The following ZFAND6 variants were observed in gnomAD, a reference collection of about 807,000 sequenced individuals.
The protein encoded by ZFAND6 is zinc finger AN1-type containing 6, also known as AN1-type zinc finger protein 6.
ZFAND6 carries 12 observed loss-of-function variants against 24.5 expected under a neutral mutation model. That is an observed-to-expected ratio of 0.49 (90% CI 0.31 to 0.79). ZFAND6 has a LOEUF of 0.79. Among genes scored for constraint, ZFAND6 ranks in the 30% least tolerant of loss-of-function variants. The probability of loss-of-function intolerance (pLI) is 0.04; values close to 1 mark genes in which losing one functional copy is unlikely to be tolerated. For synonymous variants in ZFAND6, 92 were observed against 81.5 expected (o/e 1.13, Z -0.69); for missense variants, 207 against 245.9 (o/e 0.84, Z 1.06).
rs943801012 is a variant in ZFAND6 at position 80,098,532 on chromosome 15, T to C, written c.-64T>C. The C allele has an allele frequency of 6.6e-6, 1 of 152,238 alleles. No individual in the cohort carries two copies. The highest frequency in any genetic ancestry group is 2.4e-5 in the African/African-American group (1 of 41,466). 9.4% of individuals were successfully genotyped at this position (152,238 alleles called of 1,614,324 possible). A position where few individuals can be genotyped will look rare whatever the true frequency, so the allele number is the denominator to read the frequency against. On this transcript the variant is annotated 5_prime_UTR_variant, in exon 2 of 7. Coordinates refer to ENST00000261749, the MANE Select transcript of ZFAND6 (RefSeq NM_019006.4). ...GAATAGGGAAGGCAGAAAGCTAATGTCTGTCTCAAGATACAGGACAGCTGT... is the reference window on the plus strand; with the variant it reads ...GAATAGGGAAGGCAGAAAGCTAATGCCTGTCTCAAGATACAGGACAGCTGT...
chr15:80,099,634 T>TTTTTTTTTC lies in ZFAND6; in HGVS notation c.-18+1056_-18+1057insTTTTTTTTC, dbSNP rs1555431664. On this transcript the variant is annotated intron_variant, in intron 2 of 6. Transcript: ENST00000261749. ...ATGGATATCCTTTTTTTTTTTTTTT[T>TTTTTTTTTC]CGAGACGGAGTCTCACTCTGTCGCC... is the stretch of plus-strand genomic sequence containing the variant. Among the ~76,000 whole-genome samples the TTTTTTTTTC allele has an allele frequency of 9.4e-3, 1,403 of 148,530 alleles. 35 individuals are homozygous for TTTTTTTTTC. Among genetic ancestry groups the TTTTTTTTTC allele is most frequent in the African/African-American group, 0.034 (1,325 of 39,286 alleles).
chr15:80,072,496 A>G (rs1426252129), intron 1 of ZFAND6: 9 of 152,104 alleles, frequency 5.9e-5, no homozygotes, highest in Non-Finnish European at 1.0e-4. Flanking sequence ...AATCACAATT[A>G]TCAGTTTCAC....
intron 1 of ZFAND6, among the ~76,000 whole-genome samples, chr15:80,068,640 G>A (rs1399957411): frequency 6.6e-6 from 1 of 152,178 alleles, no homozygotes; most frequent in East Asian, 1.9e-4. Context: ...CCAAAGTGCT[G>A]GGATTATAGG....
chr15:80,105,497 C>G (rs1279887259), intron 2 of ZFAND6, among the ~76,000 whole-genome samples: 1 of 152,178 alleles, frequency 6.6e-6, no homozygotes, highest in Non-Finnish European at 1.5e-5. Flanking sequence ...AGATATGTGA[C>G]TTAAATAAGC....
At chr15:80,083,254 G>A (rs1393309325) in intron 1 of ZFAND6, among the ~76,000 whole-genome samples, 1 of 152,172 alleles carries the variant, frequency 6.6e-6, no homozygotes, top group Admixed American at 6.5e-5. Flanking sequence ...GCCTCCCAAA[G>A]TGCTGGGATT....
intron 1 of ZFAND6, among the ~76,000 whole-genome samples, chr15:80,085,932 G>A (rs896530256): frequency 9.2e-5 from 14 of 151,814 alleles, no homozygotes; most frequent in African/African-American, 3.1e-4. Context: ...TACTCTCTTC[G>A]TCTCCAGACC....
In ZFAND6 at chr15:80,088,585, C is replaced by T. The variant is rs1386519857; in HGVS notation, c.-180-9831C>T. On this transcript the variant is annotated intron_variant, in intron 1 of 6. Coordinates refer to ENST00000261749, the MANE Select transcript of ZFAND6 (RefSeq NM_019006.4). ...CTGTCTCAAAAGAAAAAAACGACTTCGTCCTCACTCTTTCCTTATGCTTTA... is the reference window on the plus strand; with the variant it reads ...CTGTCTCAAAAGAAAAAAACGACTTTGTCCTCACTCTTTCCTTATGCTTTA... Among the ~76,000 whole-genome samples the T allele has an allele frequency of 2.6e-5, 4 of 152,206 alleles. 1 individual carries two copies. The highest frequency in any genetic ancestry group is 1.9e-4 in the East Asian group (1 of 5,172).
chr15:80,093,867 G>A (rs922000286), intron 1 of ZFAND6, among the ~76,000 whole-genome samples: 2 of 152,002 alleles, frequency 1.3e-5, no homozygotes, highest in African/African-American at 2.4e-5. Context: ...GTGTAGTTTC[G>A]GGAAGGGTGC....
intron 2 of ZFAND6, among the ~76,000 whole-genome samples, chr15:80,100,196 A>T (rs1338665686): frequency 6.6e-5 from 10 of 152,220 alleles, no homozygotes. Context: ...ACGAAATTTA[A>T]TTCTTAATTT....
chr15:80,093,893 T>C (rs1054431579), intron 1 of ZFAND6, among the ~76,000 whole-genome samples: 10 of 152,114 alleles, frequency 6.6e-5, no homozygotes, highest in Admixed American at 5.9e-4. Context: ...AATAATAAGA[T>C]TGGGAGGAGG....
chr15:80,111,884 T>C (rs2039626986), intron 2 of ZFAND6, among the ~76,000 whole-genome samples: 1 of 152,214 alleles, frequency 6.6e-6, no homozygotes. Flanking sequence ...TAATAGGGCC[T>C]TAGCTGATGG....
chr15:80,099,107 C>A (rs551028361), intron 2 of ZFAND6, among the ~76,000 whole-genome samples: 1 of 152,062 alleles, frequency 6.6e-6, no homozygotes, highest in East Asian at 1.9e-4. Context: ...TCCCTAAATG[C>A]AGTTGAAAGT....
At chr15:80,124,265 C>T (rs1339465934) in intron 5 of ZFAND6, among the ~76,000 whole-genome samples, 2 of 152,088 alleles carry the variant, frequency 1.3e-5, no homozygotes, top group Admixed American at 1.3e-4. Flanking sequence ...AACCCTGTCT[C>T]TACTAAAAAT....
chr15:80,078,725 AT>A (rs1169933139), intron 1 of ZFAND6, among the ~76,000 whole-genome samples: 1 of 151,914 alleles, frequency 6.6e-6, no homozygotes, highest in Non-Finnish European at 1.5e-5. Context: ...AACATCTGTC[AT>A]TTTTTTGACT....
chr15:80,113,542 G>C (rs2039715551), intron 2 of ZFAND6, among the ~76,000 whole-genome samples: 1 of 152,064 alleles, frequency 6.6e-6, no homozygotes, highest in African/African-American at 2.4e-5. Context: ...TTTTATAACT[G>C]CCTTGGGCTG....
At chr15:80,064,337 T>C (rs1252438981) in intron 1 of ZFAND6, among the ~76,000 whole-genome samples, 2 of 152,206 alleles carry the variant, frequency 1.3e-5, no homozygotes, top group Non-Finnish European at 2.9e-5. Flanking sequence ...ACATTTCTTG[T>C]ATATCTTTAC....
intron 1 of ZFAND6, chr15:80,060,115 C>T (rs1017964322): frequency 6.6e-6 from 1 of 151,912 alleles, no homozygotes; most frequent in African/African-American, 2.4e-5. Flanking sequence ...GGGTCGGGAG[C>T]CTCAGTTCTT....
At chr15:80,068,990 T>A (rs184387759) in intron 1 of ZFAND6, among the ~76,000 whole-genome samples, 76 of 152,278 alleles carry the variant, frequency 5.0e-4, no homozygotes, top group African/African-American at 1.8e-3. Flanking sequence ...TTACAGAGAA[T>A]GTTACCTATT....
At chr15:80,082,494 G>A (rs2037735285) in intron 1 of ZFAND6, among the ~76,000 whole-genome samples, 1 of 152,206 alleles carries the variant, frequency 6.6e-6, no homozygotes, top group Non-Finnish European at 1.5e-5. Flanking sequence ...GGTTTACTTA[G>A]AGAGGGAAGG....
Sources: allele counts gnomAD v4.1 joint callset (sites outside exome capture counted in the v4.1 genomes callset), GRCh38; gene constraint gnomAD v4.1.1; transcripts MANE v1.5; gene names NCBI Gene and HGNC (gene_info 2026-07-23, HGNC 2026-07-21).